Variants in ROS1 observed in about 807,000 individuals in gnomAD.
ROS1 encodes proto-oncogene tyrosine-protein kinase ROS.
ROS1 carries 263 observed loss-of-function variants against 273.5 expected under a neutral mutation model. The observed-to-expected ratio is 0.96, with a 90% CI of 0.87 to 1.06. The LOEUF (loss-of-function observed/expected upper bound fraction) is 1.06, where lower values mean the gene tolerates loss of function less well. Ranked by LOEUF, ROS1 falls within the 50% of genes least tolerant of loss-of-function variation. The probability of loss-of-function intolerance (pLI) is 0.00; values close to 1 mark genes in which losing one functional copy is unlikely to be tolerated. For synonymous variants in ROS1, 1,008 were observed against 954.1 expected (o/e 1.06, Z -1.04); for missense variants, 2,833 against 2,751.1 (o/e 1.03, Z -0.67).
chr6:117,338,638 C>G (rs1281612895), intron 31 of ROS1, among the ~76,000 whole-genome samples: 3 of 152,092 alleles, frequency 2.0e-5, no homozygotes, highest in South Asian at 4.2e-4. Context: ...ACATTCCAAA[C>G]CATCAAGAAA....
intron 40 of ROS1, among the ~76,000 whole-genome samples, chr6:117,310,562 G>A (rs546016972): frequency 1.1e-4 from 17 of 151,930 alleles, no homozygotes; most frequent in African/African-American, 4.1e-4. Context: ...CCCCAGACAG[G>A]CCCTGGTGTA....
At chr6:117,375,754 G>T (rs922739442) in intron 18 of ROS1, among the ~76,000 whole-genome samples, 1 of 151,984 alleles carries the variant, frequency 6.6e-6, no homozygotes, top group African/African-American at 2.4e-5. Context: ...ATGAATAGGA[G>T]TATTTTATAA....
intron 28 of ROS1, among the ~76,000 whole-genome samples, chr6:117,343,098 T>C (rs1582679010): frequency 6.7e-6 from 1 of 149,202 alleles, no homozygotes; most frequent in Admixed American, 6.7e-5. Flanking sequence ...TTTTTTTTTT[T>C]AAAGCTTCGA....
At chr6:117,378,956 A>G (rs1009177710) in intron 18 of ROS1, 103 bp downstream of exon 18, 15 of 713,320 alleles carry the variant, frequency 2.1e-5, no homozygotes, top group Non-Finnish European at 3.6e-5. Context: ...ACAGTGGATA[A>G]CCAGAAAATG....
chr6:117,296,437 A>G (rs924357983), intron 43 of ROS1, among the ~76,000 whole-genome samples: 2 of 152,158 alleles, frequency 1.3e-5, no homozygotes, highest in African/African-American at 4.8e-5. Context: ...AAAATGTGGT[A>G]TATGCATATA....
At chr6:117,325,863 T>C (rs1391594841) in intron 34 of ROS1, among the ~76,000 whole-genome samples, 1 of 151,942 alleles carries the variant, frequency 6.6e-6, no homozygotes, top group East Asian at 1.9e-4. Flanking sequence ...GCCTGTTATG[T>C]ATAATGTAGG....
chr6:117,295,509 AG>A (rs1451697326), intron 43 of ROS1, among the ~76,000 whole-genome samples: 3 of 152,192 alleles, frequency 2.0e-5, no homozygotes, highest in Non-Finnish European at 4.4e-5. Flanking sequence ...AAATTTAAAA[AG>A]CTTCTTCACA....
At chr6:117,402,455 C>T (rs1391050624) in intron 7 of ROS1, among the ~76,000 whole-genome samples, 1 of 152,216 alleles carries the variant, frequency 6.6e-6, no homozygotes, top group East Asian at 1.9e-4. Context: ...CTCCTTCCCT[C>T]TTCACTCTTC....
chr6:117,417,404 G>T (rs963889475), intron 2 of ROS1, among the ~76,000 whole-genome samples: 5 of 152,014 alleles, frequency 3.3e-5, no homozygotes, highest in Non-Finnish European at 7.3e-5. Flanking sequence ...ATCCATCTGA[G>T]TTCATCACTC....
chr6:117,344,679 G>C (rs1338480989), intron 27 of ROS1, among the ~76,000 whole-genome samples: 2 of 152,146 alleles, frequency 1.3e-5, no homozygotes, highest in East Asian at 3.9e-4. Flanking sequence ...CCCAACCCAG[G>C]AGGCGGACAC....
chr6:117,362,565 T>C, intron 22 of ROS1, 38 bp downstream of exon 22: 6 of 1,585,506 alleles, frequency 3.8e-6, no homozygotes, highest in Non-Finnish European at 4.3e-6. Context: ...ACAATGCCGC[T>C]ATTAAGACTC....
chr6:117,408,560 C>A (rs1321464259), intron 5 of ROS1, among the ~76,000 whole-genome samples: 7 of 152,118 alleles, frequency 4.6e-5, no homozygotes, highest in African/African-American at 7.2e-5. Flanking sequence ...AAAGTCAGGA[C>A]ACAACAGGTG....
chr6:117,388,115 C>T (rs551091333), intron 13 of ROS1, 123 bp from the exon 14 acceptor site: 19 of 1,406,160 alleles, frequency 1.4e-5, no homozygotes, highest in South Asian at 4.0e-5. Context: ...CAGTAATATC[C>T]GCTACCCCGA....
intron 25 of ROS1, 65 bp from the exon 26 acceptor site, chr6:117,356,980 C>G: frequency 7.3e-7 from 1 of 1,366,832 alleles, no homozygotes; most frequent in South Asian, 1.4e-5. Flanking sequence ...ATATTGGTTT[C>G]TAATGCAGAG....
chr6:117,374,788 C>G (rs1317862316), intron 18 of ROS1, among the ~76,000 whole-genome samples: 4 of 152,014 alleles, frequency 2.6e-5, no homozygotes, highest in Non-Finnish European at 4.4e-5. Context: ...AAAAAGCAAA[C>G]CATCTCAAAT....
At chr6:117,399,304 T>C (rs1490228888) in intron 7 of ROS1, among the ~76,000 whole-genome samples, 11 of 152,214 alleles carry the variant, frequency 7.2e-5, no homozygotes, top group Admixed American at 5.9e-4. Flanking sequence ...TTGGATAACA[T>C]ATGGCATTGC....
In ROS1 at chr6:117,301,201, T is replaced by A. The variant is rs1419422231; in HGVS notation, c.6552-64A>T. On this transcript the variant is annotated intron_variant, in intron 42 of 43. Transcript: ENST00000368507. The stretch of plus-strand genomic sequence containing the variant: ...TGGATATAATTACTGATAACCCAGG[T>A]AGGGTCATTTTAGAAAGGAAAGAAT... 7 of 1,363,726 alleles carry A rather than the reference T, an allele frequency of 5.1e-6. No homozygotes were observed. The Admixed American group carries it at 1.3e-4, about 26-fold the overall frequency. 84.5% of individuals were successfully genotyped at this position (1,363,726 alleles called of 1,614,324 possible).
chr6:117,409,550 C>T, intron 5 of ROS1, 32 bp downstream of exon 5: 2 of 1,545,030 alleles, frequency 1.3e-6, no homozygotes, highest in South Asian at 2.2e-5. Flanking sequence ...GTGGTGCAGC[C>T]TATTTTTTAA....
intron 29 of ROS1, among the ~76,000 whole-genome samples, chr6:117,341,876 ATAACCCAAT>A (rs1449450032): frequency 1.3e-5 from 2 of 152,210 alleles, no homozygotes; most frequent in Admixed American, 1.3e-4. Context: ...CCAACGGGGA[ATAACCCAAT>A]TTGGGTGAGT....
Sources: gnomAD v4.1 joint callset for allele counts (sites outside exome capture counted in the v4.1 genomes callset) on GRCh38, gnomAD v4.1.1 for gene constraint, MANE v1.5 for transcripts, NCBI Gene and HGNC (gene_info 2026-07-23, HGNC 2026-07-21) for gene names.